FOCAD: variants seen among roughly 807,000 people sequenced by gnomAD.
The protein encoded by FOCAD is KIAA1797.
In FOCAD, 198 loss-of-function variants were observed where a neutral mutation model predicts 225.6. The observed-to-expected ratio is 0.88, with a 90% CI of 0.78 to 0.99. The LOEUF is 0.99. Ranked by LOEUF, FOCAD falls within the 50% of genes least tolerant of loss-of-function variation. The pLI is 0.00. For missense variants in FOCAD, 2,713 were observed against 2,123.6 expected (o/e 1.28, Z -5.46); for synonymous variants, 897 against 755.0 (o/e 1.19, Z -3.08).
intron 21 of FOCAD, among the ~76,000 whole-genome samples, chr9:20,898,389 C>T (rs142310906): frequency 6.6e-6 from 1 of 151,612 alleles, no homozygotes; most frequent in Non-Finnish European, 1.5e-5. Flanking sequence ...GTAGTTGTCC[C>T]ACGGTTCTTA....
chr9:20,972,298 T>C (rs1839835224), intron 35 of FOCAD, among the ~76,000 whole-genome samples: 1 of 152,182 alleles, frequency 6.6e-6, no homozygotes, highest in South Asian at 2.1e-4. Context: ...TTCTGGTGTT[T>C]TTGTTGCTAT....
At chr9:20,798,811 T>C (rs7871361) in intron 11 of FOCAD, among the ~76,000 whole-genome samples, 58,217 of 152,022 alleles carry the variant, frequency 0.38, 11,414 homozygotes, top group East Asian at 0.5. Context: ...CCTGGATTCA[T>C]TGATTTTTTT....
At chr9:20,862,800 G>A in intron 16 of FOCAD, 88 bp downstream of exon 16, 1 of 1,173,294 alleles carries the variant, frequency 8.5e-7, no homozygotes, top group Non-Finnish European at 1.2e-6. Flanking sequence ...TTCCTAATCT[G>A]TTGTTGTTGT....
At position 20,860,395 on chromosome 9, in the gene FOCAD, G is replaced by A. The variant is rs1828657792; in HGVS notation, c.1921-2183G>A. On this transcript the variant is annotated intron_variant, in intron 15 of 43. Transcript: ENST00000338382. ...CTTACAGTTCCATGTGGCTGGGGAAGCCTTACAGTCATGGCCTTTTCTTCT... is the reference window on the plus strand; with the variant it reads ...CTTACAGTTCCATGTGGCTGGGGAAACCTTACAGTCATGGCCTTTTCTTCT... 2.0e-5 allele frequency among the ~76,000 whole-genome samples: 3 copies of A among 152,152 alleles called. No individual in the cohort carries two copies. In the South Asian group the frequency reaches 6.2e-4, roughly 32 times the overall value.
chr9:20,696,542 G>C (rs990796241), intron 1 of FOCAD, among the ~76,000 whole-genome samples: 4 of 152,192 alleles, frequency 2.6e-5, no homozygotes, highest in African/African-American at 9.6e-5. Flanking sequence ...TGTGGTTCAT[G>C]CCTGTAATCC....
At chr9:20,837,162 G>C (rs1178711830) in intron 15 of FOCAD, among the ~76,000 whole-genome samples, 1 of 151,870 alleles carries the variant, frequency 6.6e-6, no homozygotes, top group African/African-American at 2.4e-5. Context: ...ATCCATTTTG[G>C]GGGTTTATTT....
At chr9:20,704,186 T>A (rs915107576) in intron 1 of FOCAD, among the ~76,000 whole-genome samples, 1 of 152,258 alleles carries the variant, frequency 6.6e-6, no homozygotes, top group Non-Finnish European at 1.5e-5. Flanking sequence ...CTGCGATAAC[T>A]TTGTTTTTGT....
At chr9:20,814,708 TGGG>T (rs1823472250) in intron 11 of FOCAD, among the ~76,000 whole-genome samples, 1 of 152,154 alleles carries the variant, frequency 6.6e-6, no homozygotes, top group Non-Finnish European at 1.5e-5. Context: ...ATGGTTGCCA[TGGG>T]ACTTACATCA....
intron 11 of FOCAD, among the ~76,000 whole-genome samples, chr9:20,799,488 C>G (rs1185511081): frequency 6.6e-6 from 1 of 152,150 alleles, no homozygotes; most frequent in Non-Finnish European, 1.5e-5. Context: ...GTCTAAGTCT[C>G]TTTCTAGGTC....
At chr9:20,963,505 A>G (rs1473704613) in intron 35 of FOCAD, among the ~76,000 whole-genome samples, 1 of 152,084 alleles carries the variant, frequency 6.6e-6, no homozygotes, top group Non-Finnish European at 1.5e-5. Flanking sequence ...GCCTGGAAAA[A>G]ATTTTTTATG....
intron 5 of FOCAD, among the ~76,000 whole-genome samples, chr9:20,746,405 G>A (rs1391810338): frequency 6.6e-6 from 1 of 152,132 alleles, no homozygotes; most frequent in East Asian, 1.9e-4. Flanking sequence ...GAATATGAAA[G>A]GCCATGGCAA....
At chr9:20,901,192 ATGTGTGTGTGTG>A (rs71334562) in intron 21 of FOCAD, among the ~76,000 whole-genome samples, 4 of 105,678 alleles carry the variant, frequency 3.8e-5, no homozygotes, top group African/African-American at 6.3e-5. Flanking sequence ...TGTGGAAACA[ATGTGTGTGTGTG>A]TGTGTGTGTG....
At chr9:20,930,718 C>G (rs979298556) in intron 27 of FOCAD, among the ~76,000 whole-genome samples, 4 of 152,182 alleles carry the variant, frequency 2.6e-5, no homozygotes, top group African/African-American at 9.7e-5. Context: ...GGATTATTCT[C>G]TTAGTCTTTG....
Position 20,874,669 on chromosome 9 carries a change from T to C in FOCAD, c.2191-12T>C, listed in dbSNP as rs1227742944. ...ATTATCCTCTCTATGATCTTTTCGC[T>C]TATCATTTCAGATAAGACCAGAAAT... is the stretch of plus-strand genomic sequence containing the variant. On this transcript the variant is annotated splice_polypyrimidine_tract_variant and intron_variant, in intron 18 of 43. Coordinates refer to ENST00000338382, the MANE Select transcript of FOCAD (RefSeq NM_001375567.1). 2 of 1,611,472 alleles carry C rather than the reference T, an allele frequency of 1.2e-6. No individual in the cohort carries two copies. Among genetic ancestry groups the C allele is most frequent in the Non-Finnish European group, 1.7e-6 (2 of 1,178,852 alleles).
intron 2 of FOCAD, among the ~76,000 whole-genome samples, chr9:20,676,089 G>T (rs184429943): frequency 2.0e-5 from 3 of 152,300 alleles, no homozygotes; most frequent in Admixed American, 2.0e-4. Flanking sequence ...AGCTTAGTTG[G>T]ACAAATTAAT....
chr9:20,813,389 C>T (rs577245797), intron 11 of FOCAD, among the ~76,000 whole-genome samples: 6 of 152,082 alleles, frequency 3.9e-5, no homozygotes, highest in Middle Eastern at 3.2e-3. Flanking sequence ...CAAGATCGAT[C>T]ATAGAGTAGA....
At chr9:20,882,159 C>T in intron 20 of FOCAD, 103 bp downstream of exon 20, 2 of 953,090 alleles carry the variant, frequency 2.1e-6, no homozygotes, top group Non-Finnish European at 3.2e-6. Flanking sequence ...GTTGCTGCTG[C>T]TACTAACATG....
chr9:20,976,505 G>T lies in FOCAD; in HGVS notation c.4218G>T (p.Val1406=). The part of the protein sequence containing the change: ...TVGESYQYPP[V]NWAALLSPLM... Reference sequence around the variant, plus strand: ...GAGAAAGCTACCAATATCCTCCTGTGAACTGGGCTGCACTTCTCTCTCCAC... The same window carrying T: ...GAGAAAGCTACCAATATCCTCCTGTTAACTGGGCTGCACTTCTCTCTCCAC... Residue 1406 remains valine, a synonymous_variant, in exon 36 of 44, where the codon GTG becomes GTT. Coordinates refer to ENST00000338382, the MANE Select transcript of FOCAD (RefSeq NM_001375567.1). The T allele has an allele frequency of 6.2e-7, 1 of 1,613,332 alleles. No individual in the cohort carries two copies. Among genetic ancestry groups the T allele is most frequent in the South Asian group, 1.1e-5 (1 of 91,066 alleles).
intron 8 of FOCAD, among the ~76,000 whole-genome samples, chr9:20,774,680 G>A (rs1186438324): frequency 1.3e-5 from 2 of 152,100 alleles, no homozygotes; most frequent in East Asian, 3.8e-4. Flanking sequence ...TTTGGCCACT[G>A]GGAATCTATT....
Sources: gnomAD v4.1 joint callset for allele counts (sites outside exome capture counted in the v4.1 genomes callset) on GRCh38, gnomAD v4.1.1 for gene constraint, MANE v1.5 for transcripts, NCBI Gene and HGNC (gene_info 2026-07-23, HGNC 2026-07-21) for gene names.